NUDCD1: variants seen among roughly 807,000 people sequenced by gnomAD.
NUDCD1 encodes NudC domain containing 1.
NUDCD1 carries 60 observed loss-of-function variants against 67.8 expected under a neutral mutation model. The ratio of observed to expected loss-of-function variants is 0.88; its 90% CI spans 0.72 to 1.10. The LOEUF is 1.10. Among genes scored for constraint, NUDCD1 ranks in the 50% least tolerant of loss-of-function variants. The pLI, the probability that NUDCD1 is intolerant of heterozygous loss-of-function variation, is 0.00. For missense variants in NUDCD1, 643 were observed against 695.0 expected (o/e 0.93, Z 0.84); for synonymous variants, 244 against 230.8 (o/e 1.06, Z -0.52).
intron 5 of NUDCD1, among the ~76,000 whole-genome samples, chr8:109,282,542 T>C (rs912497990): frequency 2.6e-5 from 4 of 152,034 alleles, no homozygotes; most frequent in Non-Finnish European, 5.9e-5. Flanking sequence ...TGCACAAAAA[T>C]ATTATAAAAA....
chr8:109,310,624 T>A (rs938719759), intron 2 of NUDCD1, among the ~76,000 whole-genome samples: 2 of 152,104 alleles, frequency 1.3e-5, no homozygotes, highest in African/African-American at 4.8e-5. Flanking sequence ...CAGCTGGGAC[T>A]TAATTAAACT....
At chr8:109,255,275 T>C (rs1813703256) in intron 8 of NUDCD1, among the ~76,000 whole-genome samples, 1 of 152,188 alleles carries the variant, frequency 6.6e-6, no homozygotes, top group South Asian at 2.1e-4. Flanking sequence ...AAGTTGTTCA[T>C]CTATTTTGTA....
rs1363104296 is a variant in NUDCD1 at position 109,242,946 on chromosome 8, G to C, written c.*63C>G. ...AAACTTAAGAGGTTACAGTATAACT[G>C]TCCAGACCTCCAGGTACCACTGAAT... On this transcript the variant is annotated 3_prime_UTR_variant, in exon 10 of 10. Coordinates refer to ENST00000239690, the MANE Select transcript of NUDCD1 (RefSeq NM_032869.4). 19 of 1,079,998 alleles carry C rather than the reference G, an allele frequency of 1.8e-5. No homozygotes were observed. Among genetic ancestry groups the C allele is most frequent in the Non-Finnish European group, 2.5e-5 (18 of 726,132 alleles). 66.9% of individuals were successfully genotyped at this position (1,079,998 alleles called of 1,614,324 possible).
chr8:109,269,964 AT>A (rs1355190290), intron 8 of NUDCD1, among the ~76,000 whole-genome samples: 2 of 128,356 alleles, frequency 1.6e-5, no homozygotes, highest in Non-Finnish European at 3.2e-5. Flanking sequence ...AAAAAAAAAA[AT>A]CTACATCTAC....
At chr8:109,328,583 A>C (rs1443789695) in intron 1 of NUDCD1, among the ~76,000 whole-genome samples, 3 of 152,216 alleles carry the variant, frequency 2.0e-5, no homozygotes, top group Non-Finnish European at 4.4e-5. Flanking sequence ...GCTAGGAACC[A>C]TAACTGCTCC....
chr8:109,244,438 A>G (rs1813448346), intron 9 of NUDCD1, among the ~76,000 whole-genome samples: 1 of 152,152 alleles, frequency 6.6e-6, no homozygotes, highest in Non-Finnish European at 1.5e-5. Flanking sequence ...ATTAAAAAAT[A>G]GCATTATAGT....
chr8:109,267,308 G>A (rs1814026245), intron 8 of NUDCD1, among the ~76,000 whole-genome samples: 1 of 152,010 alleles, frequency 6.6e-6, no homozygotes, highest in South Asian at 2.1e-4. Flanking sequence ...TCTGGTGTCT[G>A]TTGTTTTTAT....
chr8:109,272,364 AACACAC>A (rs5893949), intron 7 of NUDCD1, among the ~76,000 whole-genome samples: 31 of 150,254 alleles, frequency 2.1e-4, no homozygotes, highest in African/African-American at 6.6e-4. Context: ...GAACCACTAA[AACACAC>A]ACACACACAC....
chr8:109,268,602 C>T (rs546235627), intron 8 of NUDCD1, among the ~76,000 whole-genome samples: 2 of 152,260 alleles, frequency 1.3e-5, no homozygotes, highest in African/African-American at 2.4e-5. Flanking sequence ...AGGGAAGCTA[C>T]GTTTAAACCA....
chr8:109,268,119 T>A (rs1474700622), intron 8 of NUDCD1, among the ~76,000 whole-genome samples: 1 of 152,220 alleles, frequency 6.6e-6, no homozygotes, highest in African/African-American at 2.4e-5. Flanking sequence ...CTTTTTATTA[T>A]ATATTGGACT....
chr8:109,324,750 T>C (rs1815630616), intron 1 of NUDCD1, among the ~76,000 whole-genome samples: 1 of 152,138 alleles, frequency 6.6e-6, no homozygotes, highest in Non-Finnish European at 1.5e-5. Flanking sequence ...AATTCTATCA[T>C]TTGCAGCAAC....
chr8:109,318,540 C>T (rs1815457465), intron 2 of NUDCD1, among the ~76,000 whole-genome samples: 1 of 152,060 alleles, frequency 6.6e-6, no homozygotes, highest in Middle Eastern at 3.2e-3. Flanking sequence ...ACACATTGGG[C>T]CTAGATAGTA....
At position 109,296,367 on chromosome 8, in the gene NUDCD1, C is replaced by G. The variant is rs2130043519; in HGVS notation, c.459+17G>C. ...TATACTTTCTGGACTTCGCATAAGT[C>G]TTAAACAAACCCTCACCTCCCATTT... On this transcript the variant is annotated intron_variant, in intron 3 of 9. Coordinates refer to ENST00000239690, the MANE Select transcript of NUDCD1 (RefSeq NM_032869.4). 6.2e-7 allele frequency: 1 copy of G among 1,607,492 alleles called. No individual in the cohort carries two copies.
chr8:109,289,975 A>G, intron 4 of NUDCD1, 42 bp from the exon 5 acceptor site: 1 of 885,624 alleles, frequency 1.1e-6, no homozygotes. Flanking sequence ...ACAAATAAAA[A>G]CTATTATCAA....
rs868340112 is a variant in NUDCD1 at position 109,298,360 on chromosome 8, G to A, written c.274-1791C>T. On this transcript the variant is annotated intron_variant, in intron 2 of 9. Coordinates refer to ENST00000239690, the MANE Select transcript of NUDCD1 (RefSeq NM_032869.4). Reference sequence around the variant, plus strand: ...TCAATTAAGATAAATTTTACTGTAGGTCACATCATTTAGAGCATGATGTGG... The same window carrying A: ...TCAATTAAGATAAATTTTACTGTAGATCACATCATTTAGAGCATGATGTGG... Among the ~76,000 whole-genome samples the A allele has an allele frequency of 2.0e-5, 3 of 152,218 alleles. No individual in the cohort carries two copies. The Middle Eastern group carries it at 0.01, about 521-fold the overall frequency.
chr8:109,258,952 A>G (rs1813803209), intron 8 of NUDCD1, among the ~76,000 whole-genome samples: 1 of 152,326 alleles, frequency 6.6e-6, no homozygotes, highest in South Asian at 2.1e-4. Flanking sequence ...CAATCCCGAA[A>G]GAAACTAAAA....
intron 3 of NUDCD1, among the ~76,000 whole-genome samples, chr8:109,293,925 A>C (rs1392603237): frequency 1.3e-5 from 2 of 152,100 alleles, no homozygotes; most frequent in African/African-American, 4.8e-5. Flanking sequence ...TCTCAAAAAC[A>C]AAAGAGCCTA....
chr8:109,252,599 T>C (rs1349195862), intron 8 of NUDCD1, among the ~76,000 whole-genome samples: 1 of 152,302 alleles, frequency 6.6e-6, no homozygotes, highest in South Asian at 2.1e-4. Flanking sequence ...GCAACTTCCC[T>C]TGTGTCTGTG....
In NUDCD1 at chr8:109,305,174, C is replaced by T. The variant is rs368636191; in HGVS notation, c.274-8605G>A. Among the ~76,000 whole-genome samples the T allele has an allele frequency of 1.6e-4, 25 of 151,578 alleles. No homozygotes were observed. The South Asian group carries it at 4.0e-3, about 24-fold the overall frequency. On this transcript the variant is annotated intron_variant, in intron 2 of 9. Coordinates refer to ENST00000239690, the MANE Select transcript of NUDCD1 (RefSeq NM_032869.4). ...CAAGCTTGGGAATTTGTCTCTGCCC[C>T]GGACTGGCAAATTGACTTTACCCAC... is the stretch of plus-strand genomic sequence containing the variant.
Sources: allele counts gnomAD v4.1 joint callset (sites outside exome capture counted in the v4.1 genomes callset), GRCh38; gene constraint gnomAD v4.1.1; transcripts MANE v1.5; gene names NCBI Gene and HGNC (gene_info 2026-07-23, HGNC 2026-07-21).